Variants in RBBP8 observed in about 807,000 individuals in gnomAD.
RBBP8 encodes the protein RB binding protein 8, endonuclease.
RBBP8 carries 88 observed loss-of-function variants against 108.3 expected under a neutral mutation model. The observed-to-expected ratio is 0.81, with a 90% confidence interval of 0.68 to 0.97. The LOEUF (loss-of-function observed/expected upper bound fraction) is 0.97, where lower values mean the gene tolerates loss of function less well. Among genes scored for constraint, RBBP8 ranks in the 50% least tolerant of loss-of-function variants. The pLI, the probability that RBBP8 is intolerant of heterozygous loss-of-function variation, is 0.00. For missense variants in RBBP8, 1,023 were observed against 1,049.0 expected (o/e 0.98, Z 0.34); for synonymous variants, 332 against 348.2 (o/e 0.95, Z 0.52).
At chr18:23,005,709 G>A (rs569686645) in intron 15 of RBBP8, among the ~76,000 whole-genome samples, 8 of 151,656 alleles carry the variant, frequency 5.3e-5, no homozygotes, top group African/African-American at 9.7e-5. Context: ...CACCACACCC[G>A]GCCAAAATTA....
intron 3 of RBBP8, chr18:22,921,014 G>A (rs1909573910): frequency 6.6e-6 from 1 of 152,094 alleles, no homozygotes; most frequent in Admixed American, 6.5e-5. Flanking sequence ...TAATCTGCCT[G>A]TCCCATCCAT....
rs1430114413 is a variant in RBBP8, at chr18:22,992,825, C to A, written c.998C>A (p.Thr333Asn). ...TRVSSPVFGA[T>N]SSIKSGLDLN... ...GTGTCATCTCCTGTATTTGGAGCTA[C>A]CTCTAGTATCAAAAGTGGTTTAGAT... The change falls in exon 11 of 19, where the codon ACC (threonine) becomes AAC (asparagine). Residue 333 changes from threonine (T) to asparagine (N), a missense_variant. Thr to Asn is a moderately conservative substitution (Grantham distance 65, BLOSUM62 0). Transcript: ENST00000327155. 6.2e-7 allele frequency: 1 copy of A among 1,610,290 alleles called. No homozygotes were observed. Among genetic ancestry groups the A allele is most frequent in the African/African-American group, 1.3e-5 (1 of 74,958 alleles).
intron 14 of RBBP8, 162 bp from the exon 15 acceptor site, chr18:23,001,424 G>T (rs1031056212): frequency 2.6e-6 from 2 of 760,966 alleles, no homozygotes; most frequent in Non-Finnish European, 4.4e-6. Flanking sequence ...CAGTTACTAA[G>T]CTCAGTACCC....
In RBBP8 at chr18:22,984,837, TTCA is replaced by T. The variant is rs3052770; in HGVS notation, c.605-41_605-39del. On this transcript the variant is annotated intron_variant, in intron 7 of 18. Coordinates refer to ENST00000327155, the MANE Select transcript of RBBP8 (RefSeq NM_002894.3). ...AAATAAAAATAATTTGATAATGCTT[TTCA>T]TCATCATTGTTTATTGTGTAATCTC... 636,685 of 1,076,940 alleles carry T rather than the reference TTCA, an allele frequency of 0.59. 195,013 individuals carry two copies. The highest frequency in any genetic ancestry group is 0.7 in the Middle Eastern group (2,654 of 3,818). The allele number at this position is 1,076,940 out of a possible 1,614,324, so 66.7% of individuals were successfully genotyped here. A position where few individuals can be genotyped will look rare whatever the true frequency, so the allele number is the denominator to read the frequency against.
At chr18:22,975,081 T>C (rs1914403941) in intron 5 of RBBP8, 72 bp from the exon 6 acceptor site, 1 of 1,472,380 alleles carries the variant, frequency 6.8e-7, no homozygotes, top group Non-Finnish European at 9.2e-7. Flanking sequence ...TGCTGACATA[T>C]TTTATTTGAA....
chr18:22,973,711 T>C (rs551675419), intron 5 of RBBP8, among the ~76,000 whole-genome samples: 42 of 152,234 alleles, frequency 2.8e-4, no homozygotes, highest in Non-Finnish European at 5.7e-4. Context: ...GAAAACTTTC[T>C]ACCGTTTATT....
In RBBP8 at chr18:22,936,802, A is replaced by G; in HGVS notation, c.-50A>G. 6.2e-7 allele frequency: 1 copy of G among 1,610,370 alleles called. No individual in the cohort carries two copies. Among genetic ancestry groups the G allele is most frequent in the Middle Eastern group, 1.7e-4 (1 of 6,054 alleles). On this transcript the variant is annotated 5_prime_UTR_variant, in exon 2 of 19. Transcript: ENST00000327155. ...CTTGATACCTCTATAATGTAACAGA[A>G]AAGGTCAGAAAATATTAAGCAAGTA...
chr18:23,006,555 G>A (rs1485080862), intron 16 of RBBP8, 123 bp downstream of exon 16: 3 of 845,394 alleles, frequency 3.5e-6, no homozygotes, highest in African/African-American at 1.7e-5. Context: ...AGGCTAGAGT[G>A]CAATGGCGTA....
At position 22,982,240 on chromosome 18, in the gene RBBP8, G is replaced by T. The variant is rs1166992153; in HGVS notation, c.451G>T (p.Ala151Ser). Residue 151 changes from alanine to serine, a missense_variant, in exon 7 of 19, where the codon GCT (alanine) becomes TCT (serine). Physicochemically the swap from Ala to Ser is moderately conservative, Grantham distance 99. Transcript: ENST00000327155. The stretch of plus-strand genomic sequence containing the variant: ...TAGGAATGATCAACAGCATCAAGCA[G>T]CTGAGCTTGAATGTGAGGAAGACGT... ...KIENDQQHQA[A>S]ELECEEDVIP... is the part of the protein sequence containing the mutation. The T allele has an allele frequency of 6.2e-7, 1 of 1,613,696 alleles. No individual in the cohort carries two copies. Among genetic ancestry groups the T allele is most frequent in the African/African-American group, 1.3e-5 (1 of 75,046 alleles).
intron 18 of RBBP8, among the ~76,000 whole-genome samples, chr18:23,023,444 C>T (rs1240911501): frequency 6.6e-6 from 1 of 152,156 alleles, no homozygotes; most frequent in African/African-American, 2.4e-5. Context: ...ATATATTCAG[C>T]TTTTAGGCTG....
At chr18:23,005,802 C>T (rs979765881) in intron 15 of RBBP8, among the ~76,000 whole-genome samples, 1 of 152,158 alleles carries the variant, frequency 6.6e-6, no homozygotes, top group Non-Finnish European at 1.5e-5. Context: ...CTCTAAAATA[C>T]TTCCTGAGAT....
intron 4 of RBBP8, among the ~76,000 whole-genome samples, chr18:22,967,645 AT>A (rs1410826642): frequency 0.036 from 4,732 of 131,464 alleles, 113 homozygotes; most frequent in African/African-American, 0.11. Flanking sequence ...GCTATTTCGT[AT>A]TTTTTTTTTT....
In RBBP8 at chr18:23,022,179, C is replaced by T. The variant is rs2046356048; in HGVS notation, c.2505C>T (p.Cys835=). The change falls in exon 18 of 19, where the codon TGC becomes TGT. Residue 835 remains cysteine, a synonymous_variant. Coordinates refer to ENST00000327155, the MANE Select transcript of RBBP8 (RefSeq NM_002894.3). ...AEEREKKLAS[C]SRHRFRYIPP... is the part of the protein sequence containing the mutation. ...AAAGAGAAAAGAAATTGGCTTCCTG[C>T]TCAAGACACCGATTCCGCTACATTC... 1.2e-6 allele frequency: 2 copies of T among 1,610,936 alleles called. No individual in the cohort carries two copies. Among genetic ancestry groups the T allele is most frequent in the South Asian group, 1.1e-5 (1 of 91,020 alleles).
intron 6 of RBBP8, among the ~76,000 whole-genome samples, chr18:22,978,850 A>G (rs1043261070): frequency 7.9e-5 from 12 of 152,244 alleles, no homozygotes; most frequent in African/African-American, 2.7e-4. Flanking sequence ...TTTACTACAA[A>G]AAAAAGATAA....
chr18:22,997,501 T>C, intron 13 of RBBP8, 119 bp from the exon 14 acceptor site: 1 of 709,836 alleles, frequency 1.4e-6, no homozygotes, highest in Admixed American at 2.3e-5. Flanking sequence ...TATAGCTTAA[T>C]GCTTAAAAGT....
chr18:23,023,643 A>T (rs2144862468), intron 18 of RBBP8, among the ~76,000 whole-genome samples: 1 of 152,284 alleles, frequency 6.6e-6, no homozygotes, highest in South Asian at 2.1e-4. Flanking sequence ...TCAAGCTAGG[A>T]CTATCAATCT....
chr18:22,941,711 A>G (rs1598640682), intron 2 of RBBP8, among the ~76,000 whole-genome samples: 2 of 152,068 alleles, frequency 1.3e-5, no homozygotes, highest in South Asian at 4.1e-4. Flanking sequence ...GTTATGTTCT[A>G]ATCACATTCC....
intron 2 of RBBP8, among the ~76,000 whole-genome samples, chr18:22,945,332 A>G (rs1911455853): frequency 6.6e-6 from 1 of 152,160 alleles, no homozygotes; most frequent in Non-Finnish European, 1.5e-5. Flanking sequence ...GTTTTTTACT[A>G]TTTTAATATT....
At chr18:22,936,985 C>G (rs772981216) in intron 2 of RBBP8, 25 bp downstream of exon 2, 21 of 1,612,746 alleles carry the variant, frequency 1.3e-5, no homozygotes, top group Non-Finnish European at 1.8e-5. Context: ...TAAATACTTA[C>G]AGCAGTATTT....
Sources: allele counts gnomAD v4.1 joint callset (sites outside exome capture counted in the v4.1 genomes callset), GRCh38; gene constraint gnomAD v4.1.1; transcripts MANE v1.5; gene names NCBI Gene and HGNC (gene_info 2026-07-23, HGNC 2026-07-21).